DAGLA: variants seen among roughly 807,000 people sequenced by gnomAD.
DAGLA encodes the protein diacylglycerol lipase-alpha.
DAGLA carries 22 observed loss-of-function variants against 102.6 expected under a neutral mutation model. The observed-to-expected ratio is 0.21, with a 90% CI of 0.15 to 0.31. The LOEUF is 0.31. Ranked by LOEUF, DAGLA falls within the 10% of genes least tolerant of loss-of-function variation. DAGLA has a pLI of 1.00. For synonymous variants in DAGLA, 578 were observed against 628.9 expected, an observed-to-expected ratio of 0.92 and a Z score of 1.21; for missense variants, 927 against 1,446.6, an observed-to-expected ratio of 0.64 and a Z score of 5.83.
Position 61,705,492 on chromosome 11 carries a change from T to C in DAGLA, c.-44-14620T>C, listed in dbSNP as rs182832406. ...TGCTGCCGAGGGTATCCTCCAGTGC[T>C]TGTTCCGCTCTGCTCTCTCCTGTGG... is the stretch of plus-strand genomic sequence containing the variant. On this transcript the variant is annotated intron_variant, in intron 1 of 19. Transcript: ENST00000257215. 4.6e-5 allele frequency among the ~76,000 whole-genome samples: 7 copies of C among 152,314 alleles called. No homozygotes were observed. In the East Asian group the frequency reaches 1.4e-3, roughly 29 times the overall value.
Position 61,731,391 on chromosome 11 carries a change from C to T in DAGLA, c.924C>T (p.Tyr308=), listed in dbSNP as rs1352679130. The T allele has an allele frequency of 2.5e-6, 4 of 1,613,990 alleles. No homozygotes were observed. The East Asian group carries it at 8.9e-5, about 36-fold the overall frequency. ...TGGCTGCCTACGGGTGGCCCATGTA[C>T]CTGATGCGGAAGCCCGCCTGCGGCC... The part of the protein sequence containing the change: ...FALAAYGWPM[Y]LMRKPACGLC... Residue 308 remains tyrosine, a synonymous_variant, in exon 9 of 20, where the codon TAC becomes TAT. Coordinates refer to ENST00000257215, the MANE Select transcript of DAGLA (RefSeq NM_006133.3).
At chr11:61,741,754 G>A (rs2065482544) in intron 19 of DAGLA, among the ~76,000 whole-genome samples, 1 of 152,086 alleles carries the variant, frequency 6.6e-6, no homozygotes, top group Non-Finnish European at 1.5e-5. Flanking sequence ...TGGGATTACA[G>A]GCGCCTGCCA....
chr11:61,683,009 A>G (rs2064957422), intron 1 of DAGLA, among the ~76,000 whole-genome samples: 1 of 152,188 alleles, frequency 6.6e-6, no homozygotes, highest in Non-Finnish European at 1.5e-5. Flanking sequence ...GTGGCTGCAC[A>G]GTGCTTTGCT....
At chr11:61,715,583 C>T (rs1200587682) in intron 1 of DAGLA, among the ~76,000 whole-genome samples, 6 of 152,218 alleles carry the variant, frequency 3.9e-5, no homozygotes, top group Non-Finnish European at 8.8e-5. Context: ...GACGAGGGGG[C>T]GAGGCCCAGC....
At chr11:61,737,513 T>A (rs2065433888) in intron 14 of DAGLA, among the ~76,000 whole-genome samples, 174 bp from the exon 15 acceptor site, 1 of 152,108 alleles carries the variant, frequency 6.6e-6, no homozygotes, top group Non-Finnish European at 1.5e-5. Context: ...AGCAAAGCCT[T>A]ACCAGTGGGA....
intron 8 of DAGLA, among the ~76,000 whole-genome samples, chr11:61,729,276 C>G (rs1167113569): frequency 6.6e-6 from 1 of 152,232 alleles, no homozygotes; most frequent in African/African-American, 2.4e-5. Flanking sequence ...TGACAGAGCA[C>G]TTTACCAGGG....
intron 1 of DAGLA, among the ~76,000 whole-genome samples, chr11:61,705,615 T>C (rs1407351850): frequency 1.3e-5 from 2 of 152,244 alleles, no homozygotes; most frequent in Non-Finnish European, 2.9e-5. Context: ...TTCTTTGTTG[T>C]ATGTGAAGGT....
intron 4 of DAGLA, 54 bp downstream of exon 4, chr11:61,723,014 C>T (rs198426): frequency 0.3 from 409,075 of 1,378,648 alleles, 67,289 homozygotes; most frequent in Middle Eastern, 0.39. Flanking sequence ...GCACAGGGGA[C>T]GAGATCAGTT....
chr11:61,740,118 C>T (rs894383819), intron 17 of DAGLA, among the ~76,000 whole-genome samples: 12 of 152,362 alleles, frequency 7.9e-5, no homozygotes, highest in Non-Finnish European at 1.8e-4. Flanking sequence ...TCCCACTGTG[C>T]TCCTTCAGAC....
intron 1 of DAGLA, among the ~76,000 whole-genome samples, chr11:61,711,647 T>C (rs2065195142): frequency 1.3e-5 from 2 of 152,172 alleles, no homozygotes; most frequent in Non-Finnish European, 2.9e-5. Context: ...CCTCAATTGA[T>C]TCCCAGGGAG....
intron 1 of DAGLA, among the ~76,000 whole-genome samples, chr11:61,697,880 T>C (rs2065079355): frequency 6.6e-6 from 1 of 152,004 alleles, no homozygotes; most frequent in Non-Finnish European, 1.5e-5. Flanking sequence ...TGGCCCTGGG[T>C]AGCCAGGTGT....
intron 1 of DAGLA, among the ~76,000 whole-genome samples, chr11:61,691,333 GCAA>G (rs1361071885): frequency 2.0e-5 from 3 of 152,230 alleles, no homozygotes; most frequent in Non-Finnish European, 4.4e-5. Flanking sequence ...ATTGGAAATG[GCAA>G]CAACAAGAAG....
chr11:61,728,101 G>C, intron 6 of DAGLA, 52 bp from the exon 7 acceptor site: 1 of 1,606,286 alleles, frequency 6.2e-7, no homozygotes, highest in Non-Finnish European at 8.5e-7. Context: ...CTGGCCTCTC[G>C]TCCTCTCTCC....
chr11:61,710,915 A>C (rs1233768056), intron 1 of DAGLA, among the ~76,000 whole-genome samples: 1 of 152,206 alleles, frequency 6.6e-6, no homozygotes, highest in African/African-American at 2.4e-5. Flanking sequence ...TCCATCTTAC[A>C]GATGAGGAGA....
At chr11:61,697,751 G>A (rs1036152706) in intron 1 of DAGLA, among the ~76,000 whole-genome samples, 3 of 151,994 alleles carry the variant, frequency 2.0e-5, no homozygotes, top group Non-Finnish European at 2.9e-5. Flanking sequence ...TACAATCATA[G>A]CTCAGTGCAC....
At position 61,720,804 on chromosome 11, in the gene DAGLA, T is replaced by C; in HGVS notation, c.221T>C (p.Met74Thr). Residue 74 changes from methionine (M) to threonine (T), a missense_variant, in exon 3 of 20, where the codon ATG becomes ACG. Coordinates refer to ENST00000257215, the MANE Select transcript of DAGLA (RefSeq NM_006133.3). ...CTGCTGAGCTGCATGATCGCTGAGATGGCCATCATCTGGCTGAGCATGCGC... is the reference window on the plus strand; with the variant it reads ...CTGCTGAGCTGCATGATCGCTGAGACGGCCATCATCTGGCTGAGCATGCGC... ...GILLSCMIAE[M>T]AIIWLSMRGG... The C allele has an allele frequency of 6.2e-7, 1 of 1,613,854 alleles. No homozygotes were observed. The highest frequency in any genetic ancestry group is 8.5e-7 in the Non-Finnish European group (1 of 1,180,040).
chr11:61,707,991 G>T (rs201427945), intron 1 of DAGLA, among the ~76,000 whole-genome samples: 3 of 146,852 alleles, frequency 2.0e-5, no homozygotes, highest in African/African-American at 5.5e-5. Context: ...ATTTATTTAT[G>T]TATTTATTTA....
chr11:61,692,192 C>T lies in DAGLA; in HGVS notation c.-45+11688C>T, dbSNP rs146346290. Among the ~76,000 whole-genome samples, 470 of 152,282 alleles carry T rather than the reference C, an allele frequency of 3.1e-3. 2 individuals are homozygous for T. The highest frequency in any genetic ancestry group is 0.011 in the African/African-American group (437 of 41,546). ...ACAGGTGCCCACGTGGCCCATGAGC[C>T]GGCAGCTTCAGCATCACCTGGGACC... is the stretch of plus-strand genomic sequence containing the variant. On this transcript the variant is annotated intron_variant, in intron 1 of 19. Coordinates refer to ENST00000257215, the MANE Select transcript of DAGLA (RefSeq NM_006133.3).
chr11:61,699,674 G>A (rs904226705), intron 1 of DAGLA, among the ~76,000 whole-genome samples: 1 of 152,246 alleles, frequency 6.6e-6, no homozygotes, highest in Non-Finnish European at 1.5e-5. Flanking sequence ...TCACCTCACA[G>A]TCAGGCCCCT....
Sources: gnomAD v4.1 joint callset for allele counts (sites outside exome capture counted in the v4.1 genomes callset) on GRCh38, gnomAD v4.1.1 for gene constraint, MANE v1.5 for transcripts, NCBI Gene and HGNC (gene_info 2026-07-23, HGNC 2026-07-21) for gene names.